The following SOS2 variants were observed in gnomAD, a reference collection of about 807,000 sequenced individuals.
SOS2 encodes son of sevenless homolog 2.
SOS2 carries 65 observed loss-of-function variants against 148.2 expected under a neutral mutation model. The ratio of observed to expected loss-of-function variants is 0.44; its 90% CI spans 0.36 to 0.54. The LOEUF is 0.54. Ranked by LOEUF, SOS2 falls within the 20% of genes least tolerant of loss-of-function variation. The pLI, the probability that SOS2 is intolerant of heterozygous loss-of-function variation, is 0.00. For synonymous variants in SOS2, 539 were observed against 537.1 expected, an observed-to-expected ratio of 1.00 and a Z score of -0.05; for missense variants, 1,341 against 1,590.2, an observed-to-expected ratio of 0.84 and a Z score of 2.67.
chr14:50,186,849 C>T (rs556004058), intron 5 of SOS2, among the ~76,000 whole-genome samples: 2 of 152,256 alleles, frequency 1.3e-5, no homozygotes, highest in South Asian at 2.1e-4. Context: ...AAAACACTTT[C>T]GATTATCATT....
chr14:50,143,705 G>C (rs1468873873), intron 16 of SOS2, among the ~76,000 whole-genome samples: 2 of 152,038 alleles, frequency 1.3e-5, no homozygotes, highest in Non-Finnish European at 2.9e-5. Flanking sequence ...GCCTCCCAAA[G>C]TGCTAGGATT....
At chr14:50,149,897 G>A in intron 14 of SOS2, 111 bp downstream of exon 14, 1 of 764,896 alleles carries the variant, frequency 1.3e-6, no homozygotes, top group Non-Finnish European at 2.2e-6. Context: ...AAGCCCATGA[G>A]AGTAGATGAG....
At chr14:50,172,419 C>CT (rs768766517) in intron 8 of SOS2, among the ~76,000 whole-genome samples, 12 of 82,764 alleles carry the variant, frequency 1.4e-4, no homozygotes, top group South Asian at 7.3e-4. Flanking sequence ...TTATTCATTC[C>CT]TTTTTTTTTT....
Position 50,157,233 on chromosome 14 carries a change from T to C in SOS2, c.1935-112A>G, listed in dbSNP as rs563624966. On this transcript the variant is annotated intron_variant, in intron 11 of 22. Coordinates refer to ENST00000216373, the MANE Select transcript of SOS2 (RefSeq NM_006939.4). ...ACTTCCACGAAAAGTGGATTACTGT[T>C]AAACTTCCCTTGAGGTATGATATAC... The C allele has an allele frequency of 5.9e-4, 722 of 1,215,462 alleles. 4 individuals are homozygous for C. In the African/African-American group the frequency reaches 9.9e-3, roughly 17 times the overall value. The allele number at this position is 1,215,462 out of a possible 1,614,324, so 75.3% of individuals were successfully genotyped here. A position where few individuals can be genotyped will look rare whatever the true frequency, so the allele number is the denominator to read the frequency against.
At chr14:50,126,012 T>G (rs1883669623) in intron 21 of SOS2, among the ~76,000 whole-genome samples, 1 of 152,152 alleles carries the variant, frequency 6.6e-6, no homozygotes, top group Admixed American at 6.5e-5. Flanking sequence ...AAGTAAAAAA[T>G]TATCATTCCA....
intron 7 of SOS2, 133 bp from the exon 8 acceptor site, chr14:50,174,685 T>C: frequency 2.2e-6 from 1 of 458,264 alleles, no homozygotes; most frequent in Non-Finnish European, 4.0e-6. Flanking sequence ...GCATATTCTA[T>C]ATTGAAACTG....
chr14:50,178,744 A>ATATTT (rs1555371335), intron 7 of SOS2, among the ~76,000 whole-genome samples: 1 of 140,356 alleles, frequency 7.1e-6, no homozygotes, highest in African/African-American at 2.7e-5. Context: ...ATATATATAT[A>ATATTT]TTTTTTGGAG....
chr14:50,161,111 G>A (rs186117815), intron 9 of SOS2, among the ~76,000 whole-genome samples: 8 of 152,066 alleles, frequency 5.3e-5, no homozygotes, highest in African/African-American at 1.7e-4. Flanking sequence ...TGGCCGACGC[G>A]GTAAAACCCC....
At chr14:50,125,535 T>C (rs1883652701) in intron 21 of SOS2, among the ~76,000 whole-genome samples, 1 of 152,096 alleles carries the variant, frequency 6.6e-6, no homozygotes, top group Non-Finnish European at 1.5e-5. Flanking sequence ...AGCCAGGAAA[T>C]ATATGAAGCT....
intron 1 of SOS2, among the ~76,000 whole-genome samples, chr14:50,213,936 T>TC (rs1482746400): frequency 6.6e-6 from 1 of 150,424 alleles, no homozygotes; most frequent in Admixed American, 6.6e-5. Flanking sequence ...ATCCTTACCC[T>TC]CCGTGGTAGG....
intron 7 of SOS2, among the ~76,000 whole-genome samples, chr14:50,175,622 C>T (rs1362522382): frequency 1.3e-5 from 2 of 151,860 alleles, no homozygotes; most frequent in Non-Finnish European, 2.9e-5. Context: ...CTTTATATAT[C>T]CTGAAAAATC....
chr14:50,157,090 C>T lies in SOS2; in HGVS notation c.1966G>A (p.Ala656Thr), dbSNP rs760318590. 31 of 1,611,750 alleles carry T rather than the reference C, an allele frequency of 1.9e-5. No homozygotes were observed. The highest frequency in any genetic ancestry group is 1.1e-5 in the South Asian group (1 of 90,918). ...FEIPEPEPTD[A>T]DKLAIEKGEQ... The stretch of plus-strand genomic sequence containing the variant: ...CCTTTCTCTATTGCCAATTTGTCTG[C>T]GTCAGTAGGTTCTGGCTCTGGAATT... Residue 656 changes from alanine (A) to threonine (T), a missense_variant, in exon 12 of 23, where the codon GCA becomes ACA. This residue lies in a region of SOS2 where 408 missense variants were observed against 506.6 expected (regional missense o/e 0.81). Coordinates refer to ENST00000216373, the MANE Select transcript of SOS2 (RefSeq NM_006939.4).
rs147381561 is a variant in SOS2, at chr14:50,205,047, A to G, written c.88-638T>C. ...CTAGCATACAGTAGGTGTCCTATAAATATTTGTTGAAAGAAATTTAAAAAA... is the reference window on the plus strand; with the variant it reads ...CTAGCATACAGTAGGTGTCCTATAAGTATTTGTTGAAAGAAATTTAAAAAA... On this transcript the variant is annotated intron_variant, in intron 1 of 22. Coordinates refer to ENST00000216373, the MANE Select transcript of SOS2 (RefSeq NM_006939.4). 4.9e-4 allele frequency among the ~76,000 whole-genome samples: 74 copies of G among 152,146 alleles called. 1 individual carries two copies. In the East Asian group the frequency reaches 0.014, roughly 28 times the overall value.
chr14:50,174,601 T>A (rs927467915), intron 7 of SOS2, 49 bp from the exon 8 acceptor site: 2 of 1,125,932 alleles, frequency 1.8e-6, no homozygotes, highest in Non-Finnish European at 1.3e-6. Flanking sequence ...ACATCAAGGA[T>A]ATGCAACAGC....
intron 7 of SOS2, among the ~76,000 whole-genome samples, chr14:50,177,417 A>G (rs1473849865): frequency 6.6e-6 from 1 of 152,092 alleles, no homozygotes; most frequent in Non-Finnish European, 1.5e-5. Context: ...AAACTGAATG[A>G]ATTTTTTTTT....
chr14:50,146,164 A>G (rs911376951), intron 14 of SOS2, among the ~76,000 whole-genome samples: 1 of 151,920 alleles, frequency 6.6e-6, no homozygotes, highest in African/African-American at 2.4e-5. Flanking sequence ...AAGAAACGAA[A>G]AAAAAGTCTG....
At chr14:50,136,886 G>A (rs886878120) in intron 18 of SOS2, among the ~76,000 whole-genome samples, 4 of 152,086 alleles carry the variant, frequency 2.6e-5, no homozygotes, top group African/African-American at 9.7e-5. Flanking sequence ...CACTGTGCCC[G>A]ACCTATCATT....
At chr14:50,215,818 A>G (rs1486217951) in intron 1 of SOS2, among the ~76,000 whole-genome samples, 1 of 152,204 alleles carries the variant, frequency 6.6e-6, no homozygotes, top group Non-Finnish European at 1.5e-5. Flanking sequence ...ATAAACCACT[A>G]CATTTGACAA....
chr14:50,133,873 A>G (rs945705985), intron 19 of SOS2, among the ~76,000 whole-genome samples: 1 of 151,872 alleles, frequency 6.6e-6, no homozygotes, highest in African/African-American at 2.4e-5. Flanking sequence ...TCACTTTCTC[A>G]CACCTTTTTG....
Sources: gnomAD v4.1 joint callset for allele counts (sites outside exome capture counted in the v4.1 genomes callset) on GRCh38, gnomAD v4.1.1 for gene constraint, gnomAD v4.1.1 regional missense constraint, MANE v1.5 for transcripts, NCBI Gene and HGNC (gene_info 2026-07-23, HGNC 2026-07-21) for gene names.